XPO1: variants seen among roughly 807,000 people sequenced by gnomAD.
XPO1 encodes exportin-1.
A neutral mutation model predicts 133.3 loss-of-function variants in XPO1; 5 were observed. The observed-to-expected ratio is 0.04, with a 90% CI of 0.02 to 0.08. XPO1 has a LOEUF of 0.08. Ranked by LOEUF, XPO1 falls within the 10% of genes least tolerant of loss-of-function variation. The pLI, the probability that XPO1 is intolerant of heterozygous loss-of-function variation, is 1.00. For missense variants in XPO1, 506 were observed against 1,267.5 expected (o/e 0.40, Z 9.12); for synonymous variants, 419 against 408.2 (o/e 1.03, Z -0.32).
rs869071296 is a variant in XPO1 at position 61,515,919 on chromosome 2, T to TAAAA, written c.301+6688_301+6691dup. ...TAACACGGTGAAACCCCATCTCTAC[T>TAAAA]AAAAAAAAAAAAAAAAACCACACAC... On this transcript the variant is annotated intron_variant, in intron 4 of 24. Transcript: ENST00000401558. Among the ~76,000 whole-genome samples the TAAAA allele has an allele frequency of 7.1e-4, 66 of 93,156 alleles. 5 individuals carry two copies. The highest frequency in any genetic ancestry group is 1.2e-3 in the African/African-American group (26 of 22,034). The allele number at this position is 93,156 out of a possible 152,430, so 61.1% of individuals were successfully genotyped here.
intron 19 of XPO1, among the ~76,000 whole-genome samples, chr2:61,487,123 A>G (rs934437248): frequency 3.2e-4 from 49 of 151,214 alleles, no homozygotes; most frequent in Admixed American, 3.2e-3. Flanking sequence ...CAAGTGATCC[A>G]CCCGCCTCGG....
intron 2 of XPO1, among the ~76,000 whole-genome samples, chr2:61,527,419 T>C (rs562399594): frequency 6.7e-6 from 1 of 149,340 alleles, no homozygotes; most frequent in South Asian, 2.2e-4. Context: ...GCCCTGGAAA[T>C]CAAGGTTGCA....
chr2:61,486,621 A>T (rs1207897488), intron 19 of XPO1, among the ~76,000 whole-genome samples: 1 of 151,970 alleles, frequency 6.6e-6, no homozygotes, highest in Non-Finnish European at 1.5e-5. Context: ...ACGCCCAGCT[A>T]ATTTTTTATA....
chr2:61,493,120 T>C, intron 12 of XPO1, 67 bp from the exon 13 acceptor site: 3 of 1,459,386 alleles, frequency 2.1e-6, no homozygotes, highest in Admixed American at 2.6e-5. Flanking sequence ...GTGTAGAAGC[T>C]TAGTTAAAAA....
intron 4 of XPO1, among the ~76,000 whole-genome samples, chr2:61,519,247 C>T (rs192544001): frequency 6.6e-6 from 1 of 152,224 alleles, no homozygotes; most frequent in Non-Finnish European, 1.5e-5. Flanking sequence ...CCGTGCTGAG[C>T]CTATCTTTTG....
chr2:61,497,047 C>G, intron 9 of XPO1, 40 bp from the exon 10 acceptor site: 1 of 1,568,442 alleles, frequency 6.4e-7, no homozygotes, highest in Non-Finnish European at 8.6e-7. Flanking sequence ...ATTAATTGGC[C>G]TGATACACAC....
chr2:61,488,542 A>G (rs1384260218), intron 18 of XPO1, 46 bp downstream of exon 18: 2 of 1,549,020 alleles, frequency 1.3e-6, no homozygotes, highest in African/African-American at 2.8e-5. Flanking sequence ...GTAGAAGAGA[A>G]GTGGTTTGTT....
intron 2 of XPO1, among the ~76,000 whole-genome samples, chr2:61,532,160 T>G (rs1279478455): frequency 1.3e-5 from 2 of 152,174 alleles, no homozygotes; most frequent in African/African-American, 4.8e-5. Flanking sequence ...CGAAGTCTCA[T>G]GCCGTTGCCC....
intron 24 of XPO1, among the ~76,000 whole-genome samples, chr2:61,479,440 G>A (rs563570930): frequency 7.2e-6 from 1 of 139,620 alleles, no homozygotes; most frequent in Non-Finnish European, 1.6e-5. Flanking sequence ...TGATAAAAGC[G>A]AGACTGTGCC....
chr2:61,501,794 A>T (rs1426340991), intron 6 of XPO1, among the ~76,000 whole-genome samples: 1 of 151,908 alleles, frequency 6.6e-6, no homozygotes, highest in Non-Finnish European at 1.5e-5. Flanking sequence ...CAGCCACATA[A>T]ATGATGGCTT....
rs1163504544 is a variant in XPO1 at position 61,498,847 on chromosome 2, G to A, written c.639+18C>T. The A allele has an allele frequency of 1.9e-6, 3 of 1,604,354 alleles. No individual in the cohort carries two copies. Among genetic ancestry groups the A allele is most frequent in the Non-Finnish European group, 2.6e-6 (3 of 1,175,690 alleles). ...CTTTCCTATTATTGTTTTTAAAAATGAAATTAAAAACACTTACCATTACAA... is the reference window on the plus strand; with the variant it reads ...CTTTCCTATTATTGTTTTTAAAAATAAAATTAAAAACACTTACCATTACAA... On this transcript the variant is annotated intron_variant, in intron 8 of 24. Coordinates refer to ENST00000401558, the MANE Select transcript of XPO1 (RefSeq NM_003400.4).
intron 4 of XPO1, among the ~76,000 whole-genome samples, chr2:61,507,961 G>T (rs1448808530): frequency 1.3e-5 from 2 of 152,106 alleles, no homozygotes; most frequent in Non-Finnish European, 2.9e-5. Context: ...AAGTCCTGAC[G>T]TTGCCAACAG....
intron 4 of XPO1, among the ~76,000 whole-genome samples, chr2:61,516,139 AAC>A (rs1698378538): frequency 5.5e-5 from 8 of 144,924 alleles, no homozygotes; most frequent in Admixed American, 1.4e-4. Flanking sequence ...ATTAAAAAAA[AAC>A]AAAACAAAAC....
intron 4 of XPO1, among the ~76,000 whole-genome samples, chr2:61,508,004 C>A (rs1274679802): frequency 6.6e-6 from 1 of 152,084 alleles, no homozygotes; most frequent in Non-Finnish European, 1.5e-5. Flanking sequence ...TGACTTAGCA[C>A]TGGTACAATC....
chr2:61,477,945 C>G lies in XPO1; in HGVS notation c.*875G>C. The G allele has an allele frequency of 4.4e-6, 1 of 227,214 alleles. No individual in the cohort carries two copies. Among genetic ancestry groups the G allele is most frequent in the East Asian group, 6.4e-5 (1 of 15,710 alleles). The allele number at this position is 227,214 out of a possible 1,614,324, so 14.1% of individuals were successfully genotyped here. Reference sequence around the variant, plus strand: ...CAATAAAGGAAAAATAAATGTAAACCAAGTTTATTTTGCTTTTTAAGTAGT... The same window carrying G: ...CAATAAAGGAAAAATAAATGTAAACGAAGTTTATTTTGCTTTTTAAGTAGT... On this transcript the variant is annotated 3_prime_UTR_variant, in exon 25 of 25. Coordinates refer to ENST00000401558, the MANE Select transcript of XPO1 (RefSeq NM_003400.4).
At chr2:61,535,568 A>G (rs1035444161) in intron 1 of XPO1, among the ~76,000 whole-genome samples, 1 of 152,232 alleles carries the variant, frequency 6.6e-6, no homozygotes, top group South Asian at 2.1e-4. Context: ...ATGGCAGCAA[A>G]TTCTATTTTA....
chr2:61,514,206 C>A (rs1698240722), intron 4 of XPO1, among the ~76,000 whole-genome samples: 1 of 150,964 alleles, frequency 6.6e-6, no homozygotes, highest in African/African-American at 2.4e-5. Context: ...AAAAACTGAG[C>A]AAAATTTTTG....
At chr2:61,516,130 T>C (rs1166514352) in intron 4 of XPO1, among the ~76,000 whole-genome samples, 1 of 124,012 alleles carries the variant, frequency 8.1e-6, no homozygotes, top group African/African-American at 3.1e-5. Flanking sequence ...CGTCGCAAAA[T>C]TAAAAAAAAA....
chr2:61,483,722 C>G (rs1696528401), intron 21 of XPO1: 5 of 499,602 alleles, frequency 1.0e-5, no homozygotes, highest in Middle Eastern at 5.4e-4. Context: ...CCAATTATTA[C>G]TAGGCCGCTC....
Sources: gnomAD v4.1 joint callset for allele counts (sites outside exome capture counted in the v4.1 genomes callset) on GRCh38, gnomAD v4.1.1 for gene constraint, MANE v1.5 for transcripts, NCBI Gene and HGNC (gene_info 2026-07-23, HGNC 2026-07-21) for gene names.